BAIAP3: variants seen among roughly 807,000 people sequenced by gnomAD.
BAIAP3 encodes the protein BAI1 associated protein 3.
In BAIAP3, 180 loss-of-function variants were observed where a neutral mutation model predicts 149.7. That is an observed-to-expected ratio of 1.20 (90% CI 1.07 to 1.36). The LOEUF (loss-of-function observed/expected upper bound fraction) is 1.36. Among genes scored for constraint, BAIAP3 ranks in the 40% most tolerant of loss-of-function variants. The probability of loss-of-function intolerance (pLI) is 0.00; values close to 1 mark genes in which losing one functional copy is unlikely to be tolerated. For missense variants in BAIAP3, 1,767 were observed against 1,563.4 expected (o/e 1.13, Z -2.20); for synonymous variants, 845 against 670.7 (o/e 1.26, Z -4.02).
intron 1 of BAIAP3, among the ~76,000 whole-genome samples, chr16:1,337,518 G>A: frequency 6.6e-6 from 1 of 152,224 alleles, no homozygotes; most frequent in Admixed American, 6.5e-5. Flanking sequence ...GCTGCAGTGA[G>A]CTGAGATCAT....
intron 1 of BAIAP3, among the ~76,000 whole-genome samples, chr16:1,337,370 C>T (rs1363274979): frequency 2.6e-5 from 4 of 152,170 alleles, no homozygotes; most frequent in Non-Finnish European, 2.9e-5. Flanking sequence ...ACAAAAAAAT[C>T]AGCTGGGCTT....
chr16:1,342,990 C>T lies in BAIAP3; in HGVS notation c.1239C>T (p.Asn413=), dbSNP rs1012175724. The part of the protein sequence containing the change: ...TILCLHGAQS[N]LSPLQLAVLH... ...TCTGCCTGCACGGAGCCCAGAGCAA[C>T]CTGTCACCCTTGCAGCTGGCCGTGC... Residue 413 remains asparagine, a synonymous_variant, in exon 14 of 34, where the codon AAC becomes AAT. Transcript: ENST00000426824. 1.9e-6 allele frequency: 3 copies of T among 1,610,854 alleles called. No homozygotes were observed. Among genetic ancestry groups the T allele is most frequent in the African/African-American group, 2.7e-5 (2 of 74,914 alleles).
intron 25 of BAIAP3, 30 bp from the exon 26 acceptor site, chr16:1,346,412 G>C (rs928170365): frequency 3.1e-6 from 5 of 1,611,948 alleles, no homozygotes; most frequent in Non-Finnish European, 4.2e-6. Context: ...GGTGCCCCCT[G>C]CCCGTGCTGA....
chr16:1,348,633 C>T lies in BAIAP3; in HGVS notation c.*151C>T, dbSNP rs935723853. On this transcript the variant is annotated 3_prime_UTR_variant, in exon 34 of 34. Coordinates refer to ENST00000426824, the MANE Select transcript of BAIAP3 (RefSeq NM_001199097.2). ...TCGTGGCTGGCCCCGCGGCGCCTAC[C>T]GCCCTGGCCGTGTCTGTCTGGTGTG... is the stretch of plus-strand genomic sequence containing the variant. 28 of 742,430 alleles carry T rather than the reference C, an allele frequency of 3.8e-5. No homozygotes were observed. Among genetic ancestry groups the T allele is most frequent in the Admixed American group, 3.1e-4 (13 of 41,496 alleles). 46.0% of individuals were successfully genotyped at this position (742,430 alleles called of 1,614,324 possible).
rs142190495 is a variant in BAIAP3, at chr16:1,347,904, C to A, written c.3036C>A (p.Asp1012Glu). Residue 1012 changes from aspartate (D) to glutamate (E), a missense_variant, in exon 32 of 34, where the codon GAC becomes GAA. Coordinates refer to ENST00000426824, the MANE Select transcript of BAIAP3 (RefSeq NM_001199097.2). ...ACTGTGCTCCTGCAGGCTTAAGTGA[C>A]CCCTTTGTGATCGTGGAGCTGGGCC... ...LLPLDANGLS[D>E]PFVIVELGPP... The A allele has an allele frequency of 3.7e-6, 6 of 1,611,898 alleles. No individual in the cohort carries two copies. Among genetic ancestry groups the A allele is most frequent in the Non-Finnish European group, 5.1e-6 (6 of 1,179,910 alleles).
Position 1,346,240 on chromosome 16 carries a change from G to A in BAIAP3, c.2372G>A (p.Trp791Ter). 1.2e-6 allele frequency: 2 copies of A among 1,611,728 alleles called. No individual in the cohort carries two copies. Among genetic ancestry groups the A allele is most frequent in the Admixed American group, 1.7e-5 (1 of 59,924 alleles). Residue 791 changes from tryptophan (W) to a stop codon, truncating the protein, a stop_gained, in exon 25 of 34, where the codon TGG (tryptophan) becomes TAG (stop). Transcript: ENST00000426824. LOFTEE classifies it high-confidence loss of function. ...AAGQALKGLA[W>*]PEGATGPEGV... The stretch of plus-strand genomic sequence containing the variant: ...GGGCAGGCCTTGAAGGGCCTGGCAT[G>A]GCCAGAGGGGGCCACGGGGCCCGAG...
At position 1,348,677 on chromosome 16, in the gene BAIAP3, C is replaced by T. The variant is rs1260596838; in HGVS notation, c.*195C>T. 3 of 623,428 alleles carry T rather than the reference C, an allele frequency of 4.8e-6. No homozygotes were observed. Among genetic ancestry groups the T allele is most frequent in the South Asian group, 3.9e-5 (2 of 51,394 alleles). The allele number at this position is 623,428 out of a possible 1,614,324, so 38.6% of individuals were successfully genotyped here. A position where few individuals can be genotyped will look rare whatever the true frequency, so the allele number is the denominator to read the frequency against. On this transcript the variant is annotated 3_prime_UTR_variant, in exon 34 of 34. Transcript: ENST00000426824. ...TGGTGTGTGCTGTGAACCCCTGCAC[C>T]CAACCCCACATCTGGGTGGCCAACT...
chr16:1,344,734 G>C lies in BAIAP3; in HGVS notation c.1757+36G>C, dbSNP rs199708633. ...CCCCTCAGTGCTGTCCTGGGGCTGG[G>C]GTCGGAGCCAACAGGGCCTGCAGGT... On this transcript the variant is annotated intron_variant, in intron 19 of 33. Transcript: ENST00000426824. 745 of 1,588,826 alleles carry C rather than the reference G, an allele frequency of 4.7e-4. 2 individuals are homozygous for C. The African/African-American group carries it at 0.01, about 22-fold the overall frequency.
At chr16:1,336,287 C>T (rs2033450080) in intron 1 of BAIAP3, 1 of 985,342 alleles carries the variant, frequency 1.0e-6, no homozygotes, top group Non-Finnish European at 1.2e-6. Flanking sequence ...CTGAGGATTT[C>T]ACGACTGGCT....
chr16:1,344,488 A>G lies in BAIAP3; in HGVS notation c.1622A>G (p.Tyr541Cys). Residue 541 changes from tyrosine (Y) to cysteine (C), a missense_variant, in exon 18 of 34, where the codon TAC becomes TGC. Physicochemically the swap from Tyr to Cys is radical, Grantham distance 194. Transcript: ENST00000426824. ...TTGCAGAGAGGCAACCGTGAGTGGT[A>G]CGACAGGATCCTGAATGACAAGAGT... ...AALKRGNREW[Y>C]DRILNDKSPR... 2 of 1,613,230 alleles carry G rather than the reference A, an allele frequency of 1.2e-6. No homozygotes were observed. The highest frequency in any genetic ancestry group is 1.6e-4 in the Middle Eastern group (1 of 6,062).
At position 1,341,822 on chromosome 16, in the gene BAIAP3, C is replaced by A; in HGVS notation, c.732C>A (p.Phe244Leu). The part of the protein sequence containing the change: ...LNPVWKEHFL[F>L]EIEDVSTDQL... ...ATGGGCATCTCTGTTCTCCTTGTAG[C>A]GAGATTGAGGATGTGAGCACGGACC... Residue 244 changes from phenylalanine to leucine, a missense_variant and splice_region_variant, in exon 9 of 34, where the codon TTC becomes TTA. By Grantham distance (22) the Phe-to-Leu change is conservative. Transcript: ENST00000426824. 6.2e-7 allele frequency: 1 copy of A among 1,612,306 alleles called. No individual in the cohort carries two copies. The highest frequency in any genetic ancestry group is 8.5e-7 in the Non-Finnish European group (1 of 1,179,724).
intron 8 of BAIAP3, 131 bp downstream of exon 8, chr16:1,341,620 GA>G (rs2033934123): frequency 7.6e-7 from 1 of 1,308,364 alleles, no homozygotes; most frequent in Admixed American, 2.3e-5. Flanking sequence ...TTCCAGAGGA[GA>G]AAACTGAGGC....
In BAIAP3 at chr16:1,347,542, C is replaced by G. The variant is rs774437806; in HGVS notation, c.2824-3C>G. ...GCCCCTCCTGATGCGCTTCCCCCTG[C>G]AGAGGCTGAAGGAGGAGCTGCGGCT... On this transcript the variant is annotated splice_region_variant and splice_polypyrimidine_tract_variant and intron_variant, in intron 29 of 33. Coordinates refer to ENST00000426824, the MANE Select transcript of BAIAP3 (RefSeq NM_001199097.2). 6.2e-7 allele frequency: 1 copy of G among 1,604,362 alleles called. No homozygotes were observed. The highest frequency in any genetic ancestry group is 1.7e-5 in the Admixed American group (1 of 58,552).
intron 1 of BAIAP3, among the ~76,000 whole-genome samples, chr16:1,334,345 C>T (rs560332918): frequency 6.6e-6 from 1 of 152,192 alleles, no homozygotes; most frequent in East Asian, 1.9e-4. Context: ...CTAGACCCGC[C>T]CCCAGACTCA....
Position 1,338,953 on chromosome 16 carries a change from G to A in BAIAP3, c.183G>A (p.Lys61=), listed in dbSNP as rs768061810. 1.7e-5 allele frequency: 28 copies of A among 1,612,976 alleles called. No individual in the cohort carries two copies. The highest frequency in any genetic ancestry group is 1.7e-6 in the Non-Finnish European group (2 of 1,179,950). ...TTGCCCACATGCGCCTCATGCTGAA[G>A]AAGGGGGAAGGCAGACAGGGCTTGC... ...EFFAHMRLML[K]KGEGRQGLPC... Residue 61 remains lysine (K), a synonymous_variant, in exon 3 of 34, where the codon AAG becomes AAA. Coordinates refer to ENST00000426824, the MANE Select transcript of BAIAP3 (RefSeq NM_001199097.2).
chr16:1,339,220 C>T lies in BAIAP3; in HGVS notation c.276C>T (p.Gly92=). Residue 92 remains glycine, a synonymous_variant, in exon 4 of 34, where the codon GGC becomes GGT. Transcript: ENST00000426824. ...APPEPVDPSL[G]LRALAPEEVE... ...CGGAGCCTGTGGATCCCAGCCTCGG[C>T]CTGAGAGCCCTGGCCCCAGAGGAGG... is the stretch of plus-strand genomic sequence containing the variant. 2 of 1,564,594 alleles carry T rather than the reference C, an allele frequency of 1.3e-6. No individual in the cohort carries two copies. The highest frequency in any genetic ancestry group is 1.7e-6 in the Non-Finnish European group (2 of 1,156,832).
Position 1,344,462 on chromosome 16 carries a change from G to A in BAIAP3, c.1603-7G>A. The stretch of plus-strand genomic sequence containing the variant: ...CCACCATGCTGTCTTGGTGGTGTCT[G>A]TTGCAGAGAGGCAACCGTGAGTGGT... On this transcript the variant is annotated splice_polypyrimidine_tract_variant and splice_region_variant and intron_variant, in intron 17 of 33. Coordinates refer to ENST00000426824, the MANE Select transcript of BAIAP3 (RefSeq NM_001199097.2). 1 of 1,613,548 alleles carries A rather than the reference G, an allele frequency of 6.2e-7. No homozygotes were observed. The highest frequency in any genetic ancestry group is 8.5e-7 in the Non-Finnish European group (1 of 1,180,008).
Position 1,346,662 on chromosome 16 carries a change from CTGG to C in BAIAP3, c.2623_2625del (p.Val875del), listed in dbSNP as rs2034392175. ...GAAGCTGGCCCTGCTGAACGCCTCG[CTGG>C]TGAAGGGGAACCTGAGCAGGTGCGG... On this transcript the variant is annotated inframe_deletion, in exon 27 of 34. Transcript: ENST00000426824. The C allele has an allele frequency of 9.2e-7, 1 of 1,082,234 alleles. No individual in the cohort carries two copies. Among genetic ancestry groups the C allele is most frequent in the Admixed American group, 2.6e-5 (1 of 38,316 alleles). 67.0% of individuals were successfully genotyped at this position (1,082,234 alleles called of 1,614,324 possible). A position where few individuals can be genotyped will look rare whatever the true frequency, so the allele number is the denominator to read the frequency against.
chr16:1,343,242 T>A, intron 14 of BAIAP3, 151 bp from the exon 15 acceptor site: 2 of 1,261,712 alleles, frequency 1.6e-6, no homozygotes, highest in Non-Finnish European at 2.2e-6. Context: ...ACGGCAGCGC[T>A]AATTGGAGGG....
Sources: gnomAD v4.1 joint callset for allele counts (sites outside exome capture counted in the v4.1 genomes callset) on GRCh38, gnomAD v4.1.1 for gene constraint, MANE v1.5 for transcripts, NCBI Gene and HGNC (gene_info 2026-07-23, HGNC 2026-07-21) for gene names.